Variants in LAMA3 observed in about 807,000 individuals in gnomAD.
LAMA3 encodes the protein laminin subunit alpha 3.
In LAMA3, 281 loss-of-function variants were observed where a neutral mutation model predicts 402.0. The observed-to-expected ratio is 0.70, with a 90% CI of 0.63 to 0.77. LAMA3 has a LOEUF of 0.77. LAMA3 is among the 30% of genes least tolerant of loss of function. The pLI is 0.00. For synonymous variants in LAMA3, 1,431 were observed against 1,558.4 expected, an observed-to-expected ratio of 0.92 and a Z score of 1.93; for missense variants, 3,840 against 4,215.5, an observed-to-expected ratio of 0.91 and a Z score of 2.47.
At chr18:23,735,579 C>T (rs765256005) in intron 2 of LAMA3, among the ~76,000 whole-genome samples, 4 of 152,142 alleles carry the variant, frequency 2.6e-5, no homozygotes, top group Admixed American at 6.5e-5. Context: ...TCCTTAAACA[C>T]GCTCCCTTGA....
chr18:23,875,049 G>C (rs1568283536), intron 38 of LAMA3, among the ~76,000 whole-genome samples: 1 of 152,116 alleles, frequency 6.6e-6, no homozygotes, highest in Non-Finnish European at 1.5e-5. Flanking sequence ...TTTTTTGGTA[G>C]AGATGAGGTT....
At position 23,749,544 on chromosome 18, in the gene LAMA3, G is replaced by C. The variant is rs1348308671; in HGVS notation, c.682G>C (p.Glu228Gln). The part of the protein sequence containing the change: ...YSRIVPLENG[E>Q]VVVSLINGRP... ...CCGTATTGTACCTTTGGAAAATGGT[G>C]AGGTAAGTAGATTTGGAAGACTGGG... Residue 228 changes from glutamate (E) to glutamine (Q), a missense_variant and splice_region_variant, in exon 4 of 75, where the codon GAG becomes CAG. Physicochemically the swap from Glu to Gln is conservative, Grantham distance 29 (BLOSUM62 2). Coordinates refer to ENST00000313654, the MANE Select transcript of LAMA3 (RefSeq NM_198129.4). The C allele has an allele frequency of 3.9e-6, 6 of 1,533,210 alleles. No homozygotes were observed. In the Admixed American group the frequency reaches 5.0e-5, roughly 13 times the overall value. The allele number at this position is 1,533,210 out of a possible 1,614,324, so 95.0% of individuals were successfully genotyped here. A position where few individuals can be genotyped will look rare whatever the true frequency, so the allele number is the denominator to read the frequency against.
intron 1 of LAMA3, among the ~76,000 whole-genome samples, chr18:23,706,458 G>A (rs1458103235): frequency 1.3e-5 from 2 of 151,962 alleles, no homozygotes; most frequent in African/African-American, 4.8e-5. Flanking sequence ...TCTAACTCTG[G>A]TTATCATCAA....
intron 6 of LAMA3, among the ~76,000 whole-genome samples, chr18:23,754,657 TG>T (rs1196717432): frequency 2.0e-5 from 3 of 152,240 alleles, no homozygotes; most frequent in African/African-American, 7.2e-5. Context: ...GTACCCTTTT[TG>T]TTTTTAGTTT....
chr18:23,772,586 A>G (rs1165333498), intron 8 of LAMA3, among the ~76,000 whole-genome samples: 1 of 152,212 alleles, frequency 6.6e-6, no homozygotes, highest in African/African-American at 2.4e-5. Flanking sequence ...CATTAAAGTG[A>G]ATTCAGATTT....
In LAMA3 at chr18:23,899,322, G is replaced by C. The variant is rs1315946386; in HGVS notation, c.5871G>C (p.Glu1957Asp). 1.2e-6 allele frequency: 2 copies of C among 1,613,860 alleles called. No individual in the cohort carries two copies. Among genetic ancestry groups the C allele is most frequent in the African/African-American group, 1.3e-5 (1 of 74,856 alleles). The part of the protein sequence containing the change: ...LLKQISGTDG[E>D]GNNVPSGDFS... ...AGCAGATCTCTGGGACAGATGGAGA[G>C]GGAAACAACGTGCCTTCAGGTGACT... Residue 1957 changes from glutamate to aspartate, a missense_variant, in exon 47 of 75, where the codon GAG becomes GAC. Glu to Asp is a conservative substitution (Grantham distance 45). Around this residue, in one of 3 missense-constraint regions of LAMA3, gnomAD observed 891 missense variants for 857.5 expected, o/e 1.04. Coordinates refer to ENST00000313654, the MANE Select transcript of LAMA3 (RefSeq NM_198129.4).
At chr18:23,723,358 CAGTT>C (rs1341895972) in intron 2 of LAMA3, among the ~76,000 whole-genome samples, 2 of 152,190 alleles carry the variant, frequency 1.3e-5, no homozygotes, top group African/African-American at 4.8e-5. Context: ...GGGACTGACT[CAGTT>C]AGTGGATTAA....
intron 24 of LAMA3, among the ~76,000 whole-genome samples, chr18:23,835,721 G>A (rs1184422862): frequency 6.6e-6 from 1 of 152,136 alleles, no homozygotes; most frequent in African/African-American, 2.4e-5. Context: ...AAGTATGGGA[G>A]TCCAAAAAAT....
intron 1 of LAMA3, among the ~76,000 whole-genome samples, chr18:23,698,202 C>CTTTTTTT (rs755879182): frequency 1.2e-4 from 13 of 108,856 alleles, no homozygotes; most frequent in Non-Finnish European, 2.0e-4. Flanking sequence ...TCTTCTTCTT[C>CTTTTTTT]TTTTTTTTTT....
At chr18:23,787,640 A>G (rs1320960648) in intron 12 of LAMA3, among the ~76,000 whole-genome samples, 1 of 152,238 alleles carries the variant, frequency 6.6e-6, no homozygotes, top group Non-Finnish European at 1.5e-5. Context: ...CTCATTAGTA[A>G]CAATAGAGGC....
Position 23,954,874 on chromosome 18 carries a change from T to C in LAMA3, c.*226T>C, listed in dbSNP as rs2083059042. On this transcript the variant is annotated 3_prime_UTR_variant, in exon 75 of 75. Transcript: ENST00000313654. ...TTTCTTGAAGATAAAAAAATTGTTA[T>C]TCAAATTGTTATGCACAGAATGTTT... 1 of 559,762 alleles carries C rather than the reference T, an allele frequency of 1.8e-6. No homozygotes were observed. The highest frequency in any genetic ancestry group is 3.2e-6 in the Non-Finnish European group (1 of 313,820). The allele number at this position is 559,762 out of a possible 1,614,324, so 34.7% of individuals were successfully genotyped here.
At chr18:23,924,566 C>T (rs923321527) in intron 62 of LAMA3, among the ~76,000 whole-genome samples, 4 of 117,420 alleles carry the variant, frequency 3.4e-5, no homozygotes, top group African/African-American at 9.8e-5. Context: ...TTTTTTGAGA[C>T]GAGGTGTTGC....
chr18:23,767,712 T>A (rs2062105912), intron 8 of LAMA3, among the ~76,000 whole-genome samples: 1 of 151,734 alleles, frequency 6.6e-6, no homozygotes. Context: ...TAGCTGGGAC[T>A]ACAGGTGTGT....
chr18:23,690,167 C>A (rs975245242), intron 1 of LAMA3, among the ~76,000 whole-genome samples, 190 bp downstream of exon 1: 1 of 152,224 alleles, frequency 6.6e-6, no homozygotes, highest in Non-Finnish European at 1.5e-5. Context: ...CGCACCGGCA[C>A]CACCGGCCCG....
Position 23,928,091 on chromosome 18 carries a change from C to T in LAMA3, c.8178-32C>T, listed in dbSNP as rs755709306. 2.8e-6 allele frequency: 4 copies of T among 1,429,876 alleles called. No homozygotes were observed. In the South Asian group the frequency reaches 3.4e-5, roughly 12 times the overall value. 88.6% of individuals were successfully genotyped at this position (1,429,876 alleles called of 1,614,324 possible). A position where few individuals can be genotyped will look rare whatever the true frequency, so the allele number is the denominator to read the frequency against. On this transcript the variant is annotated intron_variant, in intron 62 of 74. Transcript: ENST00000313654. ...GATTTCACGTGAGCCTGACATGATCCATCTCTTCCTTTTATCTGTGTTCGT... is the reference window on the plus strand; with the variant it reads ...GATTTCACGTGAGCCTGACATGATCTATCTCTTCCTTTTATCTGTGTTCGT...
chr18:23,939,174 C>T (rs2082405240), intron 67 of LAMA3, 49 bp from the exon 68 acceptor site: 1 of 1,573,670 alleles, frequency 6.4e-7, no homozygotes, highest in South Asian at 1.1e-5. Flanking sequence ...GCAAGATAAG[C>T]ATTCTTCACT....
At position 23,909,244 on chromosome 18, in the gene LAMA3, C is replaced by A; in HGVS notation, c.7107C>A (p.Asn2369Lys). The A allele has an allele frequency of 6.2e-7, 1 of 1,613,800 alleles. No individual in the cohort carries two copies. The highest frequency in any genetic ancestry group is 1.1e-5 in the South Asian group (1 of 91,086). ...TGCCCTTGGGAAACATCTCTGACAA[C>A]ATGGACAGAATACGAGAACTAATTC... is the stretch of plus-strand genomic sequence containing the variant. ...QLLPLGNISD[N>K]MDRIRELIQQ... The change falls in exon 55 of 75, where the codon AAC becomes AAA. Residue 2369 changes from asparagine (N) to lysine (K), a missense_variant. By Grantham distance (94) the Asn-to-Lys change is moderately conservative (BLOSUM62 0). Coordinates refer to ENST00000313654, the MANE Select transcript of LAMA3 (RefSeq NM_198129.4).
intron 18 of LAMA3, among the ~76,000 whole-genome samples, chr18:23,819,177 C>CG: frequency 6.8e-6 from 1 of 146,158 alleles, no homozygotes; most frequent in East Asian, 2.0e-4. Flanking sequence ...GGCGAAGTGT[C>CG]TTTTTTTTTT....
At chr18:23,733,456 A>G (rs2061425539) in intron 2 of LAMA3, among the ~76,000 whole-genome samples, 1 of 139,178 alleles carries the variant, frequency 7.2e-6, no homozygotes, top group African/African-American at 2.7e-5. Context: ...TTTCCCTTAT[A>G]AAACCATCAG....
Sources: allele counts gnomAD v4.1 joint callset (sites outside exome capture counted in the v4.1 genomes callset), GRCh38; gene constraint gnomAD v4.1.1; regional missense constraint gnomAD v4.1.1; transcripts MANE v1.5; gene names NCBI Gene and HGNC (gene_info 2026-07-23, HGNC 2026-07-21).